CTNNA2: variants seen among roughly 807,000 people sequenced by gnomAD.
The protein encoded by CTNNA2 is catenin alpha 2.
A neutral mutation model predicts 101.0 loss-of-function variants in CTNNA2; 42 were observed. The ratio of observed to expected loss-of-function variants is 0.42; its 90% CI spans 0.32 to 0.54. The LOEUF is 0.54. CTNNA2 is among the 20% of genes least tolerant of loss of function. The probability of loss-of-function intolerance (pLI) is 0.14; values close to 1 mark genes in which losing one functional copy is unlikely to be tolerated. For synonymous variants in CTNNA2, 450 were observed against 456.4 expected (o/e 0.99, Z 0.18); for missense variants, 871 against 1,223.1 (o/e 0.71, Z 4.29).
At chr2:79,937,925 C>T (rs565102192) in intron 7 of CTNNA2, among the ~76,000 whole-genome samples, 7 of 152,280 alleles carry the variant, frequency 4.6e-5, no homozygotes, top group South Asian at 4.1e-4. Context: ...ACATGCCTTT[C>T]GAGATTCATT....
At chr2:80,589,903 T>TGTGTGTGCGC in intron 15 of CTNNA2, among the ~76,000 whole-genome samples, 1 of 144,516 alleles carries the variant, frequency 6.9e-6, no homozygotes, top group East Asian at 2.1e-4. Flanking sequence ...TGTGTGTGTG[T>TGTGTGTGCGC]GTGCGCGCGC....
intron 18 of CTNNA2, among the ~76,000 whole-genome samples, 179 bp downstream of exon 18, chr2:80,619,407 A>G (rs888614852): frequency 6.6e-5 from 10 of 151,920 alleles, no homozygotes; most frequent in African/African-American, 2.4e-4. Flanking sequence ...CAGCACAGAT[A>G]TATCTTCAAT....
At position 80,574,168 on chromosome 2, in the gene CTNNA2, C is replaced by G. The variant is rs1442963068; in HGVS notation, c.1747C>G (p.Pro583Ala). Reference sequence around the variant, plus strand: ...GCTTTTTATTTTTAACCCAGTGATGCCACGCTTCGCTGAACAAGTAGAGGT... The same window carrying G: ...GCTTTTTATTTTTAACCCAGTGATGGCACGCTTCGCTGAACAAGTAGAGGT... ...ATKLLSETVMPRFAEQVEVAI... is the reference protein window; with the variant it reads ...ATKLLSETVMARFAEQVEVAI... The change falls in exon 13 of 19, where the codon CCA (proline) becomes GCA (alanine). Residue 583 changes from proline to alanine, a missense_variant. By Grantham distance (27) the Pro-to-Ala change is conservative (BLOSUM62 -1). Around this residue, in one of 5 missense-constraint regions of CTNNA2, gnomAD observed 647 missense variants for 831.5 expected, o/e 0.78. Transcript: ENST00000402739. The G allele has an allele frequency of 6.2e-7, 1 of 1,610,372 alleles. No individual in the cohort carries two copies. Among genetic ancestry groups the G allele is most frequent in the East Asian group, 2.2e-5 (1 of 44,804 alleles).
At chr2:79,332,881 A>C (rs1676907270) in intron 3 of CTNNA2, among the ~76,000 whole-genome samples, 1 of 152,148 alleles carries the variant, frequency 6.6e-6, no homozygotes, top group Non-Finnish European at 1.5e-5. Flanking sequence ...CAAGAACAAA[A>C]ATTCACTAAT....
chr2:80,571,415 G>T lies in CTNNA2; in HGVS notation c.1742-2748G>T, dbSNP rs1223083934. The stretch of plus-strand genomic sequence containing the variant: ...AGAAGTACAACCTTGAGAATAATTT[G>T]ATTTCTTTTTAAACATGTGAATTAT... On this transcript the variant is annotated intron_variant, in intron 12 of 18. Transcript: ENST00000402739. Among the ~76,000 whole-genome samples the T allele has an allele frequency of 4.6e-5, 7 of 152,162 alleles. No homozygotes were observed. In the East Asian group the frequency reaches 1.4e-3, roughly 29 times the overall value.
intron 7 of CTNNA2, among the ~76,000 whole-genome samples, chr2:80,040,211 G>A (rs1393543412): frequency 6.6e-6 from 1 of 152,222 alleles, no homozygotes; most frequent in East Asian, 1.9e-4. Flanking sequence ...TATCTGCTGA[G>A]TTTAATTTTG....
intron 9 of CTNNA2, among the ~76,000 whole-genome samples, chr2:80,492,989 G>T (rs1431055595): frequency 1.3e-5 from 2 of 152,184 alleles, no homozygotes; most frequent in Admixed American, 6.5e-5. Flanking sequence ...TGGAGGCAGA[G>T]ACCATAATTT....
At chr2:80,291,109 C>T (rs1237872186) in intron 7 of CTNNA2, among the ~76,000 whole-genome samples, 1 of 152,154 alleles carries the variant, frequency 6.6e-6, no homozygotes, top group Non-Finnish European at 1.5e-5. Flanking sequence ...ATCTCAATTC[C>T]CTAGTTGCAA....
intron 2 of CTNNA2, among the ~76,000 whole-genome samples, chr2:79,215,851 A>G (rs13012660): frequency 0.82 from 123,479 of 151,502 alleles, 50,665 homozygotes; most frequent in East Asian, 0.99. Flanking sequence ...GTGGAGGAGC[A>G]GAGGCTGAGG....
At chr2:79,926,954 G>A (rs887474579) in intron 7 of CTNNA2, among the ~76,000 whole-genome samples, 1 of 152,074 alleles carries the variant, frequency 6.6e-6, no homozygotes, top group African/African-American at 2.4e-5. Context: ...TTGAGATACT[G>A]AATTATTCAT....
At chr2:79,219,712 G>T (rs555799101) in intron 2 of CTNNA2, among the ~76,000 whole-genome samples, 2 of 152,314 alleles carry the variant, frequency 1.3e-5, no homozygotes, top group South Asian at 4.1e-4. Flanking sequence ...TAAAGTATCT[G>T]CAAGCTTAAA....
chr2:80,395,700 G>A (rs1677948527), intron 8 of CTNNA2, among the ~76,000 whole-genome samples: 2 of 152,136 alleles, frequency 1.3e-5, no homozygotes, highest in African/African-American at 2.4e-5. Context: ...GAACGCTAAT[G>A]GCTCAAGCAA....
At chr2:80,412,769 C>T (rs149793223) in intron 8 of CTNNA2, among the ~76,000 whole-genome samples, 8 of 152,070 alleles carry the variant, frequency 5.3e-5, no homozygotes, top group African/African-American at 1.2e-4. Flanking sequence ...GTCTTGACAT[C>T]GATGACTGAG....
chr2:79,488,378 T>C (rs1671178308), intron 4 of CTNNA2, among the ~76,000 whole-genome samples: 1 of 146,444 alleles, frequency 6.8e-6, no homozygotes, highest in African/African-American at 2.5e-5. Flanking sequence ...TTCTGATGAG[T>C]AGATTTCTAC....
intron 9 of CTNNA2, among the ~76,000 whole-genome samples, chr2:80,488,094 A>G (rs919881464): frequency 1.3e-5 from 2 of 152,192 alleles, no homozygotes; most frequent in South Asian, 4.1e-4. Flanking sequence ...CCTTATTTGC[A>G]ATTTTCGAGT....
At chr2:79,961,375 A>G (rs113642212) in intron 7 of CTNNA2, among the ~76,000 whole-genome samples, 453 of 152,288 alleles carry the variant, frequency 3.0e-3, no homozygotes, top group Non-Finnish European at 5.5e-3. Flanking sequence ...TGCTTGAGGC[A>G]TGATTCCCTT....
At chr2:79,907,357 A>G (rs532591784) in intron 6 of CTNNA2, among the ~76,000 whole-genome samples, 1 of 152,040 alleles carries the variant, frequency 6.6e-6, no homozygotes, top group South Asian at 2.1e-4. Flanking sequence ...ACACATACAT[A>G]TATACATATG....
At chr2:79,704,361 T>TC (rs1685206318) in intron 2 of CTNNA2, among the ~76,000 whole-genome samples, 1 of 152,186 alleles carries the variant, frequency 6.6e-6, no homozygotes, top group South Asian at 2.1e-4. Flanking sequence ...TATTTTGACT[T>TC]TACAGTCTTT....
chr2:80,214,401 A>T (rs1708113946), intron 7 of CTNNA2, among the ~76,000 whole-genome samples: 1 of 152,110 alleles, frequency 6.6e-6, no homozygotes, highest in African/African-American at 2.4e-5. Context: ...CTTATAAGGC[A>T]GGCCTGGTGG....
Sources: gnomAD v4.1 joint callset for allele counts (sites outside exome capture counted in the v4.1 genomes callset) on GRCh38, gnomAD v4.1.1 for gene constraint, gnomAD v4.1.1 regional missense constraint, MANE v1.5 for transcripts, NCBI Gene and HGNC (gene_info 2026-07-23, HGNC 2026-07-21) for gene names.